Variants in ZSCAN9 observed in about 807,000 individuals in gnomAD.
ZSCAN9 encodes the protein zinc finger and SCAN domain-containing protein 9.
In ZSCAN9, 19 loss-of-function variants were observed where a neutral mutation model predicts 23.0. That is an observed-to-expected ratio of 0.83 (90% CI 0.58 to 1.21). The LOEUF is 1.21. ZSCAN9 is among the 50% of genes most tolerant of loss of function. ZSCAN9 has a pLI of 0.00. For missense variants in ZSCAN9, 467 were observed against 471.5 expected, an observed-to-expected ratio of 0.99 and a Z score of 0.09; for synonymous variants, 155 against 164.8, an observed-to-expected ratio of 0.94 and a Z score of 0.46.
At position 28,227,542 on chromosome 6, in the gene ZSCAN9, T is replaced by G. The variant is rs11751492; in HGVS notation, c.420+38T>G. The G allele has an allele frequency of 2.6e-6, 4 of 1,566,996 alleles. No individual in the cohort carries two copies. In the South Asian group the frequency reaches 4.8e-5, roughly 19 times the overall value. ...ATTTGCTAGAGAAAAATGTGTATTT[T>G]GGCATGCCAAGAATCCTTGTCACTT... On this transcript the variant is annotated intron_variant, in intron 2 of 3. Coordinates refer to ENST00000252207, the MANE Select transcript of ZSCAN9 (RefSeq NM_006299.5).
At chr6:28,226,938 A>G (rs1314708493) in intron 1 of ZSCAN9, 74 bp from the exon 2 acceptor site, 1 of 670,178 alleles carries the variant, frequency 1.5e-6, no homozygotes, top group Non-Finnish European at 2.5e-6. Flanking sequence ...GCCTATGATA[A>G]TTGCTTGTAT....
Position 28,227,749 on chromosome 6 carries a change from GCAGACACCACTGACCCTTCAGTCC to G in ZSCAN9, c.484_507del (p.Thr162_Gln169del). ...GTAAAGAGATGGTGCCTCTAGCAGA[GCAGACACCACTGACCCTTCAGTCC>G]CAGCCTAAGGAGCCACAGCTCACAT... On this transcript the variant is annotated inframe_deletion, in exon 3 of 4. Transcript: ENST00000252207. The G allele has an allele frequency of 6.2e-7, 1 of 1,612,834 alleles. No individual in the cohort carries two copies. The highest frequency in any genetic ancestry group is 1.1e-5 in the South Asian group (1 of 90,848).
At chr6:28,229,860 CTTTT>C (rs754834015) in intron 3 of ZSCAN9, among the ~76,000 whole-genome samples, 2 of 140,616 alleles carry the variant, frequency 1.4e-5, no homozygotes, top group African/African-American at 2.6e-5. Context: ...CCATATTTTT[CTTTT>C]TTTTTTTTTT....
intron 3 of ZSCAN9, 123 bp downstream of exon 3, chr6:28,227,960 A>G: frequency 8.8e-7 from 1 of 1,136,584 alleles, no homozygotes. Context: ...AGTAATGGTC[A>G]GTTCTTCTGA....
rs751650056 is a variant in ZSCAN9 at position 28,227,800 on chromosome 6, T to C, written c.531T>C (p.Cys177=). The C allele has an allele frequency of 6.2e-7, 1 of 1,613,528 alleles. No individual in the cohort carries two copies. The highest frequency in any genetic ancestry group is 8.5e-7 in the Non-Finnish European group (1 of 1,179,844). Residue 177 remains cysteine, a synonymous_variant, in exon 3 of 4, where the codon TGT becomes TGC. Coordinates refer to ENST00000252207, the MANE Select transcript of ZSCAN9 (RefSeq NM_006299.5). ...QSQPKEPQLT[C]DSAQKCHSIG... is the part of the protein sequence containing the mutation. Reference sequence around the variant, plus strand: ...AGCCTAAGGAGCCACAGCTCACATGTGACTCTGCTCAGAAGTGCCATTCTA... The same window carrying C: ...AGCCTAAGGAGCCACAGCTCACATGCGACTCTGCTCAGAAGTGCCATTCTA...
At position 28,233,132 on chromosome 6, in the gene ZSCAN9, A is replaced by G. The variant is rs772484268; in HGVS notation, c.1139A>G (p.Asn380Ser). 3.1e-6 allele frequency: 5 copies of G among 1,614,166 alleles called. No homozygotes were observed. The highest frequency in any genetic ancestry group is 3.3e-5 in the Admixed American group (2 of 60,024). ...GGGAAAAGCTTTAATCGACACTGCA[A>G]CCTCATTCGCCATCAGAAGATCCAC... ...ECGKSFNRHCNLIRHQKIHTV... is the reference protein window; with the variant it reads ...ECGKSFNRHCSLIRHQKIHTV... The change falls in exon 4 of 4, where the codon AAC (asparagine) becomes AGC (serine). Residue 380 changes from asparagine (N) to serine (S), a missense_variant. Physicochemically the swap from Asn to Ser is conservative, Grantham distance 46 (BLOSUM62 1). Transcript: ENST00000252207.
chr6:28,226,865 A>C (rs1760127847), intron 1 of ZSCAN9, 147 bp from the exon 2 acceptor site: 2 of 446,480 alleles, frequency 4.5e-6, no homozygotes, highest in Admixed American at 7.9e-5. Flanking sequence ...CATTATGAAT[A>C]TATATATTTC....
chr6:28,225,646 G>T (rs996792391), intron 1 of ZSCAN9, among the ~76,000 whole-genome samples: 1 of 152,176 alleles, frequency 6.6e-6, no homozygotes, highest in East Asian at 1.9e-4. Context: ...ACCCGGGAGA[G>T]GAAGTTAAGG....
chr6:28,231,730 CA>C (rs57266614), intron 3 of ZSCAN9, among the ~76,000 whole-genome samples: 30,058 of 95,308 alleles, frequency 0.32, 3,329 homozygotes, highest in Middle Eastern at 0.41. Flanking sequence ...GACTCCGTCT[CA>C]AAAAAAAAAA....
intron 1 of ZSCAN9, among the ~76,000 whole-genome samples, chr6:28,225,866 C>T (rs1202013891): frequency 6.6e-6 from 1 of 152,226 alleles, no homozygotes; most frequent in Non-Finnish European, 1.5e-5. Context: ...TATTCTGGGT[C>T]TCCCTGTACT....
intron 1 of ZSCAN9, among the ~76,000 whole-genome samples, chr6:28,226,680 C>A (rs985195472): frequency 6.6e-6 from 1 of 152,114 alleles, no homozygotes; most frequent in Non-Finnish European, 1.5e-5. Context: ...GTAATCCCAG[C>A]ACTTTGGGAA....
At chr6:28,229,432 A>G (rs918135903) in intron 3 of ZSCAN9, among the ~76,000 whole-genome samples, 2 of 152,020 alleles carry the variant, frequency 1.3e-5, no homozygotes, top group African/African-American at 4.8e-5. Flanking sequence ...CCACCTATCC[A>G]CTTATCTATC....
At chr6:28,230,481 C>G in intron 3 of ZSCAN9, 1 of 1,535,640 alleles carries the variant, frequency 6.5e-7, no homozygotes, top group Non-Finnish European at 8.7e-7. Flanking sequence ...ACAGAGGAGT[C>G]CTAAGAGGTA....
In ZSCAN9 at chr6:28,232,723, C is replaced by G; in HGVS notation, c.730C>G (p.Gln244Glu). Residue 244 changes from glutamine (Q) to glutamate (E), a missense_variant, in exon 4 of 4, where the codon CAG (glutamine) becomes GAG (glutamate). Gln to Glu is a conservative substitution (Grantham distance 29). Coordinates refer to ENST00000252207, the MANE Select transcript of ZSCAN9 (RefSeq NM_006299.5). ...VGEHKDRIERQWGNLLGEGQH... is the reference protein window; with the variant it reads ...VGEHKDRIEREWGNLLGEGQH... ...TGAACATAAGGATAGGATAGAGAGG[C>G]AGTGGGGAAACCTCTTAGGAGAGGG... 6.2e-7 allele frequency: 1 copy of G among 1,614,118 alleles called. No homozygotes were observed. Among genetic ancestry groups the G allele is most frequent in the Non-Finnish European group, 8.5e-7 (1 of 1,180,036 alleles).
At chr6:28,229,217 C>T (rs1314346180) in intron 3 of ZSCAN9, 1 of 152,156 alleles carries the variant, frequency 6.6e-6, no homozygotes, top group East Asian at 1.9e-4. Context: ...CTTCTTATAG[C>T]TTCTGTGACT....
chr6:28,233,054 T>C lies in ZSCAN9; in HGVS notation c.1061T>C (p.Ile354Thr). The change falls in exon 4 of 4, where the codon ATT becomes ACT. Residue 354 changes from isoleucine to threonine, a missense_variant. Coordinates refer to ENST00000252207, the MANE Select transcript of ZSCAN9 (RefSeq NM_006299.5). ...AGCTACAGTCGGCGTTCATTTCTCATTGAACATCAGAGAAGCCACACAGGG... is the reference window on the plus strand; with the variant it reads ...AGCTACAGTCGGCGTTCATTTCTCACTGAACATCAGAGAAGCCACACAGGG... Reference protein sequence around the residue: ...SKSYSRRSFLIEHQRSHTGER... With the variant: ...SKSYSRRSFLTEHQRSHTGER... 3.7e-6 allele frequency: 6 copies of C among 1,614,144 alleles called. No individual in the cohort carries two copies. The highest frequency in any genetic ancestry group is 1.1e-5 in the South Asian group (1 of 91,076).
In ZSCAN9 at chr6:28,232,897, G is replaced by A; in HGVS notation, c.904G>A (p.Gly302Arg). 6.2e-7 allele frequency: 1 copy of A among 1,614,170 alleles called. No homozygotes were observed. Among genetic ancestry groups the A allele is most frequent in the Non-Finnish European group, 8.5e-7 (1 of 1,180,050 alleles). Residue 302 changes from glycine to arginine, a missense_variant, in exon 4 of 4, where the codon GGA becomes AGA. By Grantham distance (125) the Gly-to-Arg change is moderately radical (BLOSUM62 -2). Transcript: ENST00000252207. Reference sequence around the variant, plus strand: ...AAGTTCTGGTCTTTTTAATCACCGAGGAATCCACAATATACAGAAACGGTA... The same window carrying A: ...AAGTTCTGGTCTTTTTAATCACCGAAGAATCCACAATATACAGAAACGGTA... ...SRSSGLFNHR[G>R]IHNIQKRYHC...
rs940691893 is a variant in ZSCAN9 at position 28,225,310 on chromosome 6, G to C, written c.-130G>C. The C allele has an allele frequency of 1.3e-5, 2 of 152,174 alleles. No individual in the cohort carries two copies. The highest frequency in any genetic ancestry group is 3.9e-4 in the East Asian group (2 of 5,184). The allele number at this position is 152,174 out of a possible 1,614,324, so 9.4% of individuals were successfully genotyped here. The stretch of plus-strand genomic sequence containing the variant: ...CCTGCCCGGCCATTGTTCGTGCCGC[G>C]CTTCTAGCAACGCCGGGCCGGTAAC... On this transcript the variant is annotated 5_prime_UTR_variant, in exon 1 of 4. Transcript: ENST00000252207.
At chr6:28,231,518 G>A (rs574442591) in intron 3 of ZSCAN9, among the ~76,000 whole-genome samples, 37 of 152,310 alleles carry the variant, frequency 2.4e-4, no homozygotes, top group South Asian at 1.4e-3. Flanking sequence ...AGGCCAAGGC[G>A]GATGGATCAT....
Sources: gnomAD v4.1 joint callset for allele counts (sites outside exome capture counted in the v4.1 genomes callset) on GRCh38, gnomAD v4.1.1 for gene constraint, MANE v1.5 for transcripts, NCBI Gene and HGNC (gene_info 2026-07-23, HGNC 2026-07-21) for gene names.